Variants in TCF12 observed in about 807,000 individuals in gnomAD.
TCF12 encodes DNA-binding protein HTF4.
Under a neutral mutation model 86.0 loss-of-function variants are expected in TCF12, and 45 were observed. The ratio of observed to expected loss-of-function variants is 0.52; its 90% CI spans 0.41 to 0.67. TCF12 has a LOEUF of 0.67. Among genes scored for constraint, TCF12 ranks in the 30% least tolerant of loss-of-function variants. The pLI is 0.00. For missense variants in TCF12, 881 were observed against 859.9 expected, an observed-to-expected ratio of 1.02 and a Z score of -0.31; for synonymous variants, 330 against 299.6, an observed-to-expected ratio of 1.10 and a Z score of -1.05.
At chr15:57,132,229 C>T (rs1355348659) in intron 5 of TCF12, among the ~76,000 whole-genome samples, 1 of 152,138 alleles carries the variant, frequency 6.6e-6, no homozygotes, top group African/African-American at 2.4e-5. Flanking sequence ...AAGGGAATCT[C>T]TGTTGTAGTG....
chr15:57,195,693 C>G (rs1256962394), intron 7 of TCF12, among the ~76,000 whole-genome samples: 1 of 152,150 alleles, frequency 6.6e-6, no homozygotes, highest in East Asian at 1.9e-4. Flanking sequence ...TAGAGAATTC[C>G]CAGTCCAAAG....
intron 5 of TCF12, among the ~76,000 whole-genome samples, chr15:57,103,373 G>C (rs537779932): frequency 6.6e-6 from 1 of 152,284 alleles, no homozygotes; most frequent in African/African-American, 2.4e-5. Context: ...ACTTAAGGCT[G>C]TCTTCTGTCT....
At chr15:57,040,399 C>T (rs182010975) in intron 3 of TCF12, among the ~76,000 whole-genome samples, 103 of 152,262 alleles carry the variant, frequency 6.8e-4, no homozygotes, top group Non-Finnish European at 1.3e-3. Flanking sequence ...GATTCAGTAT[C>T]GGAAGAAAGC....
intron 3 of TCF12, among the ~76,000 whole-genome samples, chr15:57,035,962 G>A (rs1596239684): frequency 6.6e-6 from 1 of 152,278 alleles, no homozygotes; most frequent in Admixed American, 6.5e-5. Flanking sequence ...GTACGTGTGG[G>A]GGGATCTAGA....
At chr15:57,260,826 A>G (rs1215805300) in intron 16 of TCF12, among the ~76,000 whole-genome samples, 2 of 152,204 alleles carry the variant, frequency 1.3e-5, no homozygotes, top group African/African-American at 4.8e-5. Flanking sequence ...AATAAACAAG[A>G]CCAGGATACC....
At chr15:57,102,232 CAG>C (rs1207086868) in intron 5 of TCF12, among the ~76,000 whole-genome samples, 1 of 152,154 alleles carries the variant, frequency 6.6e-6, no homozygotes, top group Admixed American at 6.5e-5. Context: ...CTACATTTGC[CAG>C]TCTTGCTCTA....
chr15:57,047,102 A>T (rs1467584738), intron 3 of TCF12, among the ~76,000 whole-genome samples: 1 of 152,222 alleles, frequency 6.6e-6, no homozygotes, highest in Non-Finnish European at 1.5e-5. Flanking sequence ...CACAGAGCAA[A>T]CTCAGAATAA....
At chr15:57,221,914 A>G (rs1370376766) in intron 8 of TCF12, among the ~76,000 whole-genome samples, 2 of 152,090 alleles carry the variant, frequency 1.3e-5, no homozygotes, top group Admixed American at 6.5e-5. Flanking sequence ...ATATTGGGAA[A>G]TGTCTGCTTG....
At chr15:57,122,883 G>A (rs931902030) in intron 5 of TCF12, among the ~76,000 whole-genome samples, 2 of 152,172 alleles carry the variant, frequency 1.3e-5, no homozygotes, top group African/African-American at 4.8e-5. Flanking sequence ...ACAGAGATTT[G>A]AAAGGGATTT....
chr15:57,215,635 T>C (rs2058301480), intron 8 of TCF12, among the ~76,000 whole-genome samples: 1 of 152,156 alleles, frequency 6.6e-6, no homozygotes, highest in South Asian at 2.1e-4. Context: ...TGCCTGTTTG[T>C]TTTAGAAGAA....
intron 16 of TCF12, among the ~76,000 whole-genome samples, chr15:57,259,969 A>C (rs1039253420): frequency 6.6e-6 from 1 of 152,240 alleles, no homozygotes; most frequent in African/African-American, 2.4e-5. Context: ...AGGAGAATCA[A>C]GTTACAAAGA....
chr15:57,209,655 T>C (rs1378219600), intron 8 of TCF12, among the ~76,000 whole-genome samples: 7 of 152,218 alleles, frequency 4.6e-5, no homozygotes, highest in Non-Finnish European at 7.3e-5. Flanking sequence ...GGTCTTCCAG[T>C]TTTATTTTGT....
intron 3 of TCF12, among the ~76,000 whole-genome samples, chr15:56,952,207 C>CAA (rs60871613): frequency 6.6e-6 from 1 of 151,028 alleles, no homozygotes; most frequent in East Asian, 2.0e-4. Context: ...CACACACACA[C>CAA]AAATACATGT....
At chr15:57,205,222 G>A (rs572301938) in intron 8 of TCF12, among the ~76,000 whole-genome samples, 1 of 152,082 alleles carries the variant, frequency 6.6e-6, no homozygotes, top group Non-Finnish European at 1.5e-5. Flanking sequence ...AGCGTTGCTT[G>A]AACCCTAGAG....
chr15:57,266,357 C>T (rs1310291931), intron 18 of TCF12, among the ~76,000 whole-genome samples: 6 of 152,108 alleles, frequency 3.9e-5, no homozygotes, highest in Admixed American at 2.0e-4. Flanking sequence ...GGATTACAGG[C>T]GTGAGCCACT....
chr15:57,282,684 T>G, intron 20 of TCF12, 86 bp downstream of exon 20: 2 of 1,447,036 alleles, frequency 1.4e-6, no homozygotes, highest in Non-Finnish European at 1.9e-6. Flanking sequence ...CAGAATTCTC[T>G]AGTGAGCAGT....
At chr15:57,079,988 A>G (rs775181888) in intron 4 of TCF12, among the ~76,000 whole-genome samples, 24 of 152,322 alleles carry the variant, frequency 1.6e-4, no homozygotes, top group Admixed American at 3.9e-4. Flanking sequence ...GCTTTCTCAA[A>G]TTAAAACAGC....
At chr15:57,016,839 G>C (rs1215733987) in intron 3 of TCF12, among the ~76,000 whole-genome samples, 1 of 152,080 alleles carries the variant, frequency 6.6e-6, no homozygotes, top group Non-Finnish European at 1.5e-5. Context: ...TGTTTACTGT[G>C]TATATGGAGA....
At chr15:57,277,591 T>C (rs111853992) in intron 19 of TCF12, among the ~76,000 whole-genome samples, 3,702 of 142,326 alleles carry the variant, frequency 0.026, 166 homozygotes, top group African/African-American at 0.088. Flanking sequence ...ATTGTGCCAC[T>C]GCACTCCAGC....
Sources: allele counts gnomAD v4.1 joint callset (sites outside exome capture counted in the v4.1 genomes callset), GRCh38; gene constraint gnomAD v4.1.1; transcripts MANE v1.5; gene names NCBI Gene and HGNC (gene_info 2026-07-23, HGNC 2026-07-21).